Variants in CHGB observed in about 807,000 individuals in gnomAD.
CHGB encodes secretogranin-1.
Under a neutral mutation model 69.9 loss-of-function variants are expected in CHGB, and 46 were observed. The observed-to-expected ratio is 0.66, with a 90% confidence interval of 0.52 to 0.84. The LOEUF is 0.84. CHGB is among the 40% of genes least tolerant of loss of function. The pLI, the probability that CHGB is intolerant of heterozygous loss-of-function variation, is 0.00. For synonymous variants in CHGB, 312 were observed against 298.2 expected (o/e 1.05, Z -0.48); for missense variants, 796 against 822.2 (o/e 0.97, Z 0.39).
At chr20:5,913,549 A>C (rs1247172843) in intron 1 of CHGB, among the ~76,000 whole-genome samples, 1 of 152,076 alleles carries the variant, frequency 6.6e-6, no homozygotes, top group Non-Finnish European at 1.5e-5. Flanking sequence ...AAATTAATAT[A>C]AGGGAAGTAG....
chr20:5,919,947 C>T (rs1026259822), intron 3 of CHGB, among the ~76,000 whole-genome samples: 4 of 152,332 alleles, frequency 2.6e-5, no homozygotes, highest in South Asian at 2.1e-4. Context: ...TCAGGGAAGA[C>T]GTAGTCTAAT....
At position 5,923,480 on chromosome 20, in the gene CHGB, C is replaced by T. The variant is rs762473977; in HGVS notation, c.1336C>T (p.His446Tyr). ...GAAAAGGTTCTTGGGTGAAGGACAC[C>T]ACCGTGTCCAAGAAAACCAGATGGA... ...EEKRFLGEGH[H>Y]RVQENQMDKA... Residue 446 changes from histidine to tyrosine, a missense_variant, in exon 4 of 5, where the codon CAC (histidine) becomes TAC (tyrosine). By Grantham distance (83) the His-to-Tyr change is moderately conservative. Around this residue, in one of 3 missense-constraint regions of CHGB, gnomAD observed 274 missense variants for 298.9 expected, o/e 0.92. Transcript: ENST00000378961. The T allele has an allele frequency of 3.7e-6, 6 of 1,614,080 alleles. No individual in the cohort carries two copies. The Admixed American group carries it at 8.3e-5, about 22-fold the overall frequency.
chr20:5,920,686 A>G (rs1010411202), intron 3 of CHGB, among the ~76,000 whole-genome samples: 4 of 152,246 alleles, frequency 2.6e-5, no homozygotes, highest in Non-Finnish European at 5.9e-5. Context: ...TCACACAAAC[A>G]TTTAGTCAAT....
In CHGB at chr20:5,913,075, G is replaced by A. The variant is rs908872303; in HGVS notation, c.49+1393G>A. On this transcript the variant is annotated intron_variant, in intron 1 of 4. Transcript: ENST00000378961. ...TAGGAGGCTGTAGACCACAAAAACA[G>A]TGACATTTGTGGGAATGATTTAACT... 6.6e-5 allele frequency among the ~76,000 whole-genome samples: 10 copies of A among 152,148 alleles called. No homozygotes were observed. The East Asian group carries it at 1.2e-3, about 18-fold the overall frequency.
At chr20:5,922,112 A>T (rs2088517447) in intron 3 of CHGB, among the ~76,000 whole-genome samples, 1 of 152,232 alleles carries the variant, frequency 6.6e-6, no homozygotes, top group Admixed American at 6.5e-5. Context: ...GCTGGGCATT[A>T]TGAAGACATA....
At chr20:5,919,207 T>TA (rs1168935616) in intron 3 of CHGB, among the ~76,000 whole-genome samples, 2 of 152,240 alleles carry the variant, frequency 1.3e-5, no homozygotes, top group African/African-American at 4.8e-5. Flanking sequence ...GCCAAGATCT[T>TA]AGCCCTTAGA....
chr20:5,924,646 C>T (rs922476331), intron 4 of CHGB, among the ~76,000 whole-genome samples: 2 of 152,160 alleles, frequency 1.3e-5, no homozygotes, highest in African/African-American at 4.8e-5. Context: ...TGGAGCTGAA[C>T]CTACCCAAAC....
In CHGB at chr20:5,923,621, A is replaced by G. The variant is rs758683484; in HGVS notation, c.1477A>G (p.Lys493Glu). The change falls in exon 4 of 5, where the codon AAA becomes GAA. Residue 493 changes from lysine (K) to glutamate (E), a missense_variant. Transcript: ENST00000378961. ...GCAGCAGGGAGACCTGCAGGACACT[A>G]AAGAAAACAGGGAGGAAGCTAGGTT... ...WQQQGDLQDTKENREEARFQD... is the reference protein window; with the variant it reads ...WQQQGDLQDTEENREEARFQD... The G allele has an allele frequency of 2.5e-6, 4 of 1,614,150 alleles. No homozygotes were observed. Among genetic ancestry groups the G allele is most frequent in the East Asian group, 2.2e-5 (1 of 44,882 alleles).
rs115553809 is a variant in CHGB, at chr20:5,911,773, G to C, written c.49+91G>C. On this transcript the variant is annotated intron_variant, in intron 1 of 4. Coordinates refer to ENST00000378961, the MANE Select transcript of CHGB (RefSeq NM_001819.3). ...CCGCAGCCAGGCTGGCGGATCCCGG[G>C]AGAGAGGGAGGGTTGAGGGGAAGGT... is the stretch of plus-strand genomic sequence containing the variant. 2.1e-3 allele frequency: 2,539 copies of C among 1,212,510 alleles called. 34 individuals are homozygous for C. In the African/African-American group the frequency reaches 0.031, roughly 15 times the overall value. The allele number at this position is 1,212,510 out of a possible 1,614,324, so 75.1% of individuals were successfully genotyped here. A position where few individuals can be genotyped will look rare whatever the true frequency, so the allele number is the denominator to read the frequency against.
chr20:5,911,760 T>G (rs1372516006), intron 1 of CHGB, 78 bp downstream of exon 1: 3 of 1,293,722 alleles, frequency 2.3e-6, no homozygotes, highest in Admixed American at 7.7e-5. Context: ...GCAGCCAGGC[T>G]GGCGGATCCC....
At chr20:5,916,732 C>T (rs768841651) in intron 2 of CHGB, 94 bp from the exon 3 acceptor site, 8 of 1,109,726 alleles carry the variant, frequency 7.2e-6, no homozygotes, top group Non-Finnish European at 1.1e-5. Context: ...GCCCAGGTCA[C>T]GTAATCAAGT....
Position 5,923,647 on chromosome 20 carries a change from T to C in CHGB, c.1503T>C (p.Phe501=). The part of the protein sequence containing the change: ...DTKENREEAR[F]QDKQYSSHHT... The stretch of plus-strand genomic sequence containing the variant: ...AAGAAAACAGGGAGGAAGCTAGGTT[T>C]CAAGATAAACAATATAGCTCCCATC... The change falls in exon 4 of 5, where the codon TTT becomes TTC. Residue 501 remains phenylalanine (F), a synonymous_variant. Coordinates refer to ENST00000378961, the MANE Select transcript of CHGB (RefSeq NM_001819.3). The C allele has an allele frequency of 6.2e-7, 1 of 1,613,860 alleles. No individual in the cohort carries two copies. The highest frequency in any genetic ancestry group is 8.5e-7 in the Non-Finnish European group (1 of 1,179,870).
chr20:5,915,300 T>G (rs999891357), intron 1 of CHGB, among the ~76,000 whole-genome samples: 4 of 152,226 alleles, frequency 2.6e-5, no homozygotes, highest in African/African-American at 9.6e-5. Context: ...CAAACACTGT[T>G]TTAAGATAGG....
At chr20:5,915,760 T>C (rs1222048588) in intron 1 of CHGB, 1 of 152,244 alleles carries the variant, frequency 6.6e-6, no homozygotes, top group Non-Finnish European at 1.5e-5. Context: ...TCTGGCCCTG[T>C]CACCCAGGCT....
chr20:5,924,119 G>A lies in CHGB; in HGVS notation c.1956+19G>A. ...GGACGAGGTATGGTCTAGGGCTTCTGTTTAAAAGTACTTACTCTGGTCAAT... is the reference window on the plus strand; with the variant it reads ...GGACGAGGTATGGTCTAGGGCTTCTATTTAAAAGTACTTACTCTGGTCAAT... On this transcript the variant is annotated intron_variant, in intron 4 of 4. Coordinates refer to ENST00000378961, the MANE Select transcript of CHGB (RefSeq NM_001819.3). 1 of 1,565,410 alleles carries A rather than the reference G, an allele frequency of 6.4e-7. No homozygotes were observed. The highest frequency in any genetic ancestry group is 8.6e-7 in the Non-Finnish European group (1 of 1,157,184).
At chr20:5,918,783 G>A (rs1216773085) in intron 3 of CHGB, among the ~76,000 whole-genome samples, 1 of 113,088 alleles carries the variant, frequency 8.8e-6, no homozygotes, top group African/African-American at 3.4e-5. Flanking sequence ...CGGCATTCCA[G>A]CCTCAGTGAC....
intron 2 of CHGB, 85 bp downstream of exon 2, chr20:5,916,457 C>G: frequency 8.6e-7 from 1 of 1,157,712 alleles, no homozygotes; most frequent in Non-Finnish European, 1.3e-6. Flanking sequence ...ACCAAACACA[C>G]GCATGACATA....
intron 2 of CHGB, among the ~76,000 whole-genome samples, chr20:5,916,594 A>G (rs565626389): frequency 6.6e-6 from 1 of 152,276 alleles, no homozygotes; most frequent in East Asian, 1.9e-4. Flanking sequence ...TGGTTCAGAA[A>G]TGGGTGTTTA....
At chr20:5,920,728 G>C (rs1390687406) in intron 3 of CHGB, among the ~76,000 whole-genome samples, 3 of 152,160 alleles carry the variant, frequency 2.0e-5, no homozygotes, top group Non-Finnish European at 4.4e-5. Context: ...GCTTCCCTGT[G>C]CCCATCTGGC....
Sources: gnomAD v4.1 joint callset for allele counts (sites outside exome capture counted in the v4.1 genomes callset) on GRCh38, gnomAD v4.1.1 for gene constraint, gnomAD v4.1.1 regional missense constraint, MANE v1.5 for transcripts, NCBI Gene and HGNC (gene_info 2026-07-23, HGNC 2026-07-21) for gene names.